Variants in LINGO2 observed in about 807,000 individuals in gnomAD.
LINGO2 encodes the protein leucine-rich repeat and immunoglobulin-like domain-containing nogo receptor-interacting protein 2.
A neutral mutation model predicts 30.6 loss-of-function variants in LINGO2; 14 were observed. The ratio of observed to expected loss-of-function variants is 0.46; its 90% CI spans 0.30 to 0.72. LINGO2 has a LOEUF of 0.72. Ranked by LOEUF, LINGO2 falls within the 30% of genes least tolerant of loss-of-function variation. LINGO2 has a pLI of 0.07. For missense variants in LINGO2, 729 were observed against 751.7 expected (o/e 0.97, Z 0.35); for synonymous variants, 317 against 288.5 (o/e 1.10, Z -1.00).
chr9:28,989,630 T>G, the LINGO2 span, among the ~76,000 whole-genome samples: 1 of 152,176 alleles, frequency 6.6e-6, no homozygotes, highest in African/African-American at 2.4e-5. Context: ...TAATTGTTAT[T>G]ATATAGATCA....
chr9:28,059,792 T>C (rs1002820628), intron 4 of LINGO2, among the ~76,000 whole-genome samples: 7 of 152,222 alleles, frequency 4.6e-5, no homozygotes, highest in African/African-American at 1.4e-4. Context: ...AATGCCATTC[T>C]GAAGAAATTA....
intron 4 of LINGO2, among the ~76,000 whole-genome samples, chr9:28,238,283 T>C (rs1341843530): frequency 6.6e-6 from 1 of 152,126 alleles, no homozygotes; most frequent in African/African-American, 2.4e-5. Flanking sequence ...TTAATCTGCA[T>C]TATAGACCAA....
chr9:28,226,542 T>G (rs529664270), intron 4 of LINGO2, among the ~76,000 whole-genome samples: 22 of 146,324 alleles, frequency 1.5e-4, no homozygotes, highest in African/African-American at 5.6e-4. Flanking sequence ...AGAAGAGAAA[T>G]AGAACACATC....
chr9:28,509,751 C>T (rs1196145446), intron 1 of LINGO2, among the ~76,000 whole-genome samples: 2 of 152,146 alleles, frequency 1.3e-5, no homozygotes, highest in Admixed American at 6.5e-5. Flanking sequence ...TGATGGCACT[C>T]TAATCTTAGA....
At chr9:28,319,384 A>G (rs559774083) in intron 3 of LINGO2, among the ~76,000 whole-genome samples, 1 of 152,274 alleles carries the variant, frequency 6.6e-6, no homozygotes, top group South Asian at 2.1e-4. Context: ...TTAGATTAAG[A>G]CCACTCAGAT....
At chr9:29,057,215 T>C in the LINGO2 span, among the ~76,000 whole-genome samples, 6 of 152,322 alleles carry the variant, frequency 3.9e-5, no homozygotes, top group African/African-American at 1.4e-4. Flanking sequence ...ACAATATTGA[T>C]TCTATCCATC....
chr9:27,949,922 G>A, exon 6 of LINGO2: 2 of 1,614,066 alleles, frequency 1.2e-6, no homozygotes, highest in Non-Finnish European at 8.5e-7. Flanking sequence ...GGGATGTGAG[G>A]TTGAGACCGT....
At chr9:28,008,321 G>A (rs10812721) in intron 5 of LINGO2, among the ~76,000 whole-genome samples, 116,685 of 151,916 alleles carry the variant, frequency 0.77, 46,227 homozygotes, top group Admixed American at 0.86. Flanking sequence ...ATTTACCTAT[G>A]TTATACATAT....
At chr9:28,233,775 G>C (rs1821459241) in intron 4 of LINGO2, among the ~76,000 whole-genome samples, 1 of 152,154 alleles carries the variant, frequency 6.6e-6, no homozygotes, top group African/African-American at 2.4e-5. Flanking sequence ...GCACCAGGTA[G>C]AGTTGTGAGG....
At chr9:28,790,393 A>C in the LINGO2 span, among the ~76,000 whole-genome samples, 2 of 134,110 alleles carry the variant, frequency 1.5e-5, no homozygotes, top group Admixed American at 1.7e-4. Context: ...CAGTCGTGCG[A>C]TCTCGGCTCA....
the LINGO2 span, among the ~76,000 whole-genome samples, chr9:29,152,744 C>A: frequency 6.6e-6 from 1 of 152,238 alleles, no homozygotes; most frequent in African/African-American, 2.4e-5. Flanking sequence ...CAGCATCACA[C>A]AACTTACCTA....
intron 4 of LINGO2, among the ~76,000 whole-genome samples, chr9:28,155,370 G>A (rs1398213346): frequency 6.6e-6 from 1 of 152,096 alleles, no homozygotes; most frequent in Non-Finnish European, 1.5e-5. Flanking sequence ...ATCTCTTTAA[G>A]GTCTGTTGGC....
At chr9:28,584,630 A>C (rs1824439058) in intron 1 of LINGO2, among the ~76,000 whole-genome samples, 1 of 152,080 alleles carries the variant, frequency 6.6e-6, no homozygotes, top group South Asian at 2.1e-4. Flanking sequence ...GAAATGGATA[A>C]TTATTAAGGC....
intron 2 of LINGO2, among the ~76,000 whole-genome samples, chr9:28,409,991 G>T (rs936865661): frequency 6.9e-6 from 1 of 145,764 alleles, no homozygotes; most frequent in African/African-American, 2.6e-5. Flanking sequence ...AAAGGGAGAA[G>T]GAAAGGAAGA....
chr9:28,654,732 G>A (rs1377800682), intron 1 of LINGO2, among the ~76,000 whole-genome samples: 1 of 152,050 alleles, frequency 6.6e-6, no homozygotes, highest in East Asian at 1.9e-4. Flanking sequence ...AAAATCACTA[G>A]AGATAGACTG....
chr9:28,758,897 A>G, the LINGO2 span, among the ~76,000 whole-genome samples: 46 of 152,226 alleles, frequency 3.0e-4, no homozygotes, highest in African/African-American at 1.1e-3. Context: ...GTTTATGGAG[A>G]TTACCAATCC....
intron 1 of LINGO2, among the ~76,000 whole-genome samples, chr9:28,584,896 T>C (rs1824453821): frequency 6.6e-6 from 1 of 152,000 alleles, no homozygotes; most frequent in Non-Finnish European, 1.5e-5. Context: ...ACAGTTGTGT[T>C]GCAATGTAAA....
the LINGO2 span, among the ~76,000 whole-genome samples, chr9:29,212,186 T>TGCGTCCCC: frequency 1.5e-3 from 232 of 152,218 alleles, 1 homozygote; most frequent in African/African-American, 5.2e-3. Context: ...GGTTCGGACC[T>TGCGTCCCC]GCGTCCCCGC....
intron 5 of LINGO2, among the ~76,000 whole-genome samples, chr9:27,968,286 T>C (rs1686210912): frequency 6.6e-6 from 1 of 152,082 alleles, no homozygotes; most frequent in Non-Finnish European, 1.5e-5. Context: ...TTATTTTATA[T>C]ATTGAAATAC....
Sources: allele counts gnomAD v4.1 joint callset (sites outside exome capture counted in the v4.1 genomes callset), GRCh38; gene constraint gnomAD v4.1.1; transcripts MANE v1.5; gene names NCBI Gene and HGNC (gene_info 2026-07-23, HGNC 2026-07-21).